ATXN1: variants seen among roughly 807,000 people sequenced by gnomAD.
ATXN1 encodes the protein ataxin 1, also known as ataxin-1.
Under a neutral mutation model 56.4 loss-of-function variants are expected in ATXN1, and 8 were observed. The ratio of observed to expected loss-of-function variants is 0.14; its 90% confidence interval spans 0.08 to 0.26. The LOEUF (loss-of-function observed/expected upper bound fraction) is 0.26. ATXN1 is among the 10% of genes least tolerant of loss of function. The pLI is 1.00. For missense variants in ATXN1, 987 were observed against 1,106.5 expected (o/e 0.89, Z 1.53); for synonymous variants, 514 against 494.6 (o/e 1.04, Z -0.52).
intron 6 of ATXN1, among the ~76,000 whole-genome samples, chr6:16,355,184 G>A (rs1225561056): frequency 1.3e-5 from 2 of 152,128 alleles, no homozygotes; most frequent in East Asian, 3.9e-4. Context: ...GACTGGCCTG[G>A]GCTTGCTTCA....
chr6:16,454,125 CAAAAAAAAAAAAAAAA>C lies in ATXN1; in HGVS notation c.-161+31831_-161+31846del, dbSNP rs56277549. ...GGGCAATAAGAGCGAGACTCTGTCT[CAAAAAAAAAAAAAAAA>C]AAAAAAAAAAAAACAGAAGAATTAG... On this transcript the variant is annotated intron_variant, in intron 6 of 7. Coordinates refer to ENST00000436367, the MANE Select transcript of ATXN1 (RefSeq NM_001128164.2). Among the ~76,000 whole-genome samples the C allele has an allele frequency of 4.4e-3, 340 of 76,682 alleles. 4 individuals are homozygous for C. The highest frequency in any genetic ancestry group is 6.2e-3 in the Non-Finnish European group (271 of 44,026). 50.3% of individuals were successfully genotyped at this position (76,682 alleles called of 152,430 possible).
intron 6 of ATXN1, among the ~76,000 whole-genome samples, chr6:16,439,154 T>C (rs530123811): frequency 6.6e-6 from 1 of 152,000 alleles, no homozygotes; most frequent in South Asian, 2.1e-4. Flanking sequence ...CATCCTGTGT[T>C]CCATGTTATG....
In ATXN1 at chr6:16,306,770, A is replaced by G. The variant is rs757735436; in HGVS notation, c.2007T>C (p.Phe669=). ...SCCPERTSQL[F]DLPCSKLSVG... ...CTGAGAGTTTGGAACACGGCAAATC[A>G]AAGAGCTGGCTGGTTCTCTCCGGAC... Residue 669 remains phenylalanine, a synonymous_variant, in exon 8 of 8, where the codon TTT becomes TTC. Coordinates refer to ENST00000436367, the MANE Select transcript of ATXN1 (RefSeq NM_001128164.2). The surrounding 1 kb of genome is among the most constrained non-coding windows in gnomAD (Gnocchi z 5.2). 15 of 1,614,030 alleles carry G rather than the reference A, an allele frequency of 9.3e-6. No individual in the cohort carries two copies. The East Asian group carries it at 3.1e-4, about 34-fold the overall frequency.
chr6:16,434,643 T>C (rs902583770), intron 6 of ATXN1, among the ~76,000 whole-genome samples: 16 of 152,184 alleles, frequency 1.1e-4, no homozygotes, highest in Non-Finnish European at 5.9e-5. Flanking sequence ...GATTCTTCAT[T>C]CTCCCTTGAT....
intron 6 of ATXN1, among the ~76,000 whole-genome samples, chr6:16,460,289 G>A (rs1026079578): frequency 6.6e-6 from 1 of 152,148 alleles, no homozygotes; most frequent in Non-Finnish European, 1.5e-5. Flanking sequence ...AATAGCTCTT[G>A]GAGTCCTTAC....
rs185350228 is a variant in ATXN1 at position 16,596,532 on chromosome 6, T to G, written c.-488-10625A>C. 7.7e-4 allele frequency among the ~76,000 whole-genome samples: 118 copies of G among 152,338 alleles called. 3 individuals are homozygous for G. Among genetic ancestry groups the G allele is most frequent in the Non-Finnish European group, 3.1e-4 (21 of 68,026 alleles). ...TCCACAACTACAAAAATCTTTGATTTAAAAATGACTTTGGATTCCTATGTC... is the reference window on the plus strand; with the variant it reads ...TCCACAACTACAAAAATCTTTGATTGAAAAATGACTTTGGATTCCTATGTC... On this transcript the variant is annotated intron_variant, in intron 3 of 7. Transcript: ENST00000436367.
At chr6:16,362,745 A>G (rs202125304) in intron 6 of ATXN1, among the ~76,000 whole-genome samples, 1 of 151,636 alleles carries the variant, frequency 6.6e-6, no homozygotes, top group Non-Finnish European at 1.5e-5. Flanking sequence ...AAGGTTCTCT[A>G]TTCATATAGA....
chr6:16,645,568 A>G (rs1294017832), intron 3 of ATXN1, among the ~76,000 whole-genome samples: 1 of 152,142 alleles, frequency 6.6e-6, no homozygotes, highest in Non-Finnish European at 1.5e-5. Flanking sequence ...CTACAGACCA[A>G]GGGTGAGGGA....
chr6:16,632,012 T>A (rs1763513089), intron 3 of ATXN1, among the ~76,000 whole-genome samples: 1 of 152,188 alleles, frequency 6.6e-6, no homozygotes. Context: ...CCTTCACTTT[T>A]GTCTCACACC....
At position 16,624,535 on chromosome 6, in the gene ATXN1, T is replaced by C. The variant is rs539801818; in HGVS notation, c.-489+33241A>G. On this transcript the variant is annotated intron_variant, in intron 3 of 7. Transcript: ENST00000436367. Reference sequence around the variant, plus strand: ...CTTAAAAGCAAAAGTGGCGGTGTTTTGTTTCAGTATTAGGTCGGGTTCAAG... The same window carrying C: ...CTTAAAAGCAAAAGTGGCGGTGTTTCGTTTCAGTATTAGGTCGGGTTCAAG... Among the ~76,000 whole-genome samples, 11 of 152,268 alleles carry C rather than the reference T, an allele frequency of 7.2e-5. No homozygotes were observed. In the South Asian group the frequency reaches 2.3e-3, roughly 32 times the overall value.
chr6:16,551,499 T>C (rs1048427557), intron 4 of ATXN1, among the ~76,000 whole-genome samples: 7 of 152,114 alleles, frequency 4.6e-5, no homozygotes, highest in African/African-American at 1.7e-4. Context: ...GAGGTGTATG[T>C]GTGTGGGGAG....
Position 16,302,062 on chromosome 6 carries a change from C to A in ATXN1, c.*4267G>T, listed in dbSNP as rs893956799. ...TTTATGATTACTAGGAGCTACTGTT[C>A]ATCTTGAACATGCAGCATTATATTG... On this transcript the variant is annotated 3_prime_UTR_variant, in exon 8 of 8. Coordinates refer to ENST00000436367, the MANE Select transcript of ATXN1 (RefSeq NM_001128164.2). 2.0e-5 allele frequency: 3 copies of A among 152,644 alleles called. No individual in the cohort carries two copies. The highest frequency in any genetic ancestry group is 4.4e-5 in the Non-Finnish European group (3 of 68,054). 9.5% of individuals were successfully genotyped at this position (152,644 alleles called of 1,614,324 possible).
At chr6:16,656,608 C>G (rs1376841047) in intron 3 of ATXN1, among the ~76,000 whole-genome samples, 1 of 152,146 alleles carries the variant, frequency 6.6e-6, no homozygotes, top group Non-Finnish European at 1.5e-5. Flanking sequence ...CTAAGACTGT[C>G]ATTCAAGGGC....
chr6:16,623,473 A>C (rs955723015), intron 3 of ATXN1, among the ~76,000 whole-genome samples: 7 of 152,250 alleles, frequency 4.6e-5, no homozygotes, highest in Non-Finnish European at 8.8e-5. Flanking sequence ...AGACTTGAAG[A>C]AATTTCCATT....
At chr6:16,717,766 C>A (rs1480503752) in intron 2 of ATXN1, among the ~76,000 whole-genome samples, 1 of 152,186 alleles carries the variant, frequency 6.6e-6, no homozygotes, top group Non-Finnish European at 1.5e-5. Flanking sequence ...AAGCCCTGGA[C>A]ACAGACCAGA....
chr6:16,539,010 T>C (rs1761660984), intron 4 of ATXN1, among the ~76,000 whole-genome samples: 1 of 151,956 alleles, frequency 6.6e-6, no homozygotes, highest in Admixed American at 6.6e-5. Flanking sequence ...TAACCTATCC[T>C]CTCCTCACTA....
Position 16,327,281 on chromosome 6 carries a change from G to C in ATXN1, c.1030C>G (p.Leu344Val), listed in dbSNP as rs150764426. 5.1e-5 allele frequency: 83 copies of C among 1,613,230 alleles called. No individual in the cohort carries two copies. Among genetic ancestry groups the C allele is most frequent in the Non-Finnish European group, 6.9e-5 (81 of 1,179,894 alleles). The change falls in exon 7 of 8, where the codon CTG becomes GTG. Residue 344 changes from leucine to valine, a missense_variant. Coordinates refer to ENST00000436367, the MANE Select transcript of ATXN1 (RefSeq NM_001128164.2). ...ACCGACTTGCCGCCTGCCTTGCCCAGGCCCAGGTCGGCTGAGGACGGGGCC... is the reference window on the plus strand; with the variant it reads ...ACCGACTTGCCGCCTGCCTTGCCCACGCCCAGGTCGGCTGAGGACGGGGCC... Reference protein sequence around the residue: ...YGAPSSADLGLGKAGGKSVPH... With the variant: ...YGAPSSADLGVGKAGGKSVPH...
At chr6:16,677,315 G>C (rs148295040) in intron 2 of ATXN1, among the ~76,000 whole-genome samples, 2 of 152,152 alleles carry the variant, frequency 1.3e-5, no homozygotes, top group African/African-American at 4.8e-5. Context: ...CCCCTCCCCA[G>C]AATCAGTGCT....
chr6:16,542,223 G>A (rs1163861830), intron 4 of ATXN1, among the ~76,000 whole-genome samples: 1 of 152,094 alleles, frequency 6.6e-6, no homozygotes, highest in African/African-American at 2.4e-5. Flanking sequence ...GCTTCCAATG[G>A]GTTCTCTGCA....
Sources: gnomAD v4.1 joint callset for allele counts (sites outside exome capture counted in the v4.1 genomes callset) on GRCh38, gnomAD v4.1.1 for gene constraint, Gnocchi (gnomAD v3.1) non-coding constraint, MANE v1.5 for transcripts, NCBI Gene and HGNC (gene_info 2026-07-23, HGNC 2026-07-21) for gene names.